CNTNAP2: variants seen among roughly 807,000 people sequenced by gnomAD.
The protein encoded by CNTNAP2 is contactin-associated protein-like 2.
A neutral mutation model predicts 155.2 loss-of-function variants in CNTNAP2; 98 were observed. The ratio of observed to expected loss-of-function variants is 0.63; its 90% CI spans 0.54 to 0.75. The LOEUF (loss-of-function observed/expected upper bound fraction) is 0.75, where lower values mean the gene tolerates loss of function less well. Among genes scored for constraint, CNTNAP2 ranks in the 30% least tolerant of loss-of-function variants. CNTNAP2 has a pLI of 0.00. For missense variants in CNTNAP2, 1,727 were observed against 1,688.1 expected (o/e 1.02, Z -0.40); for synonymous variants, 651 against 631.2 (o/e 1.03, Z -0.47).
chr7:146,728,044 C>A (rs1258764923), intron 1 of CNTNAP2, among the ~76,000 whole-genome samples: 3 of 152,084 alleles, frequency 2.0e-5, no homozygotes, highest in Non-Finnish European at 4.4e-5. Context: ...CTCACGGTGG[C>A]AAAGAGCATC....
intron 13 of CNTNAP2, among the ~76,000 whole-genome samples, chr7:147,666,955 A>G (rs566953876): frequency 9.5e-4 from 145 of 152,360 alleles, no homozygotes; most frequent in Non-Finnish European, 1.6e-3. Flanking sequence ...GGAAGAGCCT[A>G]TATCAGATAT....
At chr7:146,465,138 A>G (rs529517556) in intron 1 of CNTNAP2, among the ~76,000 whole-genome samples, 25 of 152,116 alleles carry the variant, frequency 1.6e-4, no homozygotes, top group African/African-American at 5.8e-4. Flanking sequence ...CACACACCAC[A>G]CACACACACA....
chr7:147,859,873 TCTTA>T (rs1268300891), intron 13 of CNTNAP2, among the ~76,000 whole-genome samples: 22 of 152,200 alleles, frequency 1.4e-4, no homozygotes, highest in Admixed American at 1.4e-3. Context: ...ATGATTTAGG[TCTTA>T]CTTATCTGTC....
At chr7:147,391,380 G>A (rs1230711327) in intron 9 of CNTNAP2, among the ~76,000 whole-genome samples, 1 of 152,014 alleles carries the variant, frequency 6.6e-6, no homozygotes, top group Non-Finnish European at 1.5e-5. Flanking sequence ...GTATATAGAG[G>A]TTGTCTATGT....
At chr7:148,036,337 A>C (rs1802573263) in intron 15 of CNTNAP2, among the ~76,000 whole-genome samples, 1 of 152,128 alleles carries the variant, frequency 6.6e-6, no homozygotes, top group African/African-American at 2.4e-5. Flanking sequence ...CTTGATCCCT[A>C]ATTCAGCAGT....
At chr7:148,085,419 G>A (rs767051692) in intron 15 of CNTNAP2, among the ~76,000 whole-genome samples, 5 of 152,048 alleles carry the variant, frequency 3.3e-5, no homozygotes, top group Non-Finnish European at 7.4e-5. Flanking sequence ...ATTCTCACAA[G>A]TTTAAAGGCC....
At chr7:147,977,517 C>T (rs1418812419) in intron 14 of CNTNAP2, among the ~76,000 whole-genome samples, 1 of 152,210 alleles carries the variant, frequency 6.6e-6, no homozygotes, top group Non-Finnish European at 1.5e-5. Flanking sequence ...CTTTGTTGAA[C>T]TTCTGATTCC....
intron 1 of CNTNAP2, among the ~76,000 whole-genome samples, chr7:146,331,303 C>CAA (rs771258929): frequency 0.016 from 952 of 58,822 alleles, 26 homozygotes; most frequent in African/African-American, 0.045. Context: ...GACTCCGTCT[C>CAA]AAAAAAAAAA....
chr7:146,201,908 T>C (rs539314379), intron 1 of CNTNAP2, among the ~76,000 whole-genome samples: 8 of 152,088 alleles, frequency 5.3e-5, no homozygotes, highest in African/African-American at 1.7e-4. Flanking sequence ...TTTAGAGCAA[T>C]TGTAGTAAGG....
intron 13 of CNTNAP2, among the ~76,000 whole-genome samples, chr7:147,884,953 G>A (rs1170567027): frequency 6.6e-6 from 1 of 152,230 alleles, no homozygotes; most frequent in Admixed American, 6.5e-5. Context: ...CTTGATATGA[G>A]ACCTCAGGTT....
chr7:147,779,631 A>G (rs932171156), intron 13 of CNTNAP2, among the ~76,000 whole-genome samples: 8 of 152,330 alleles, frequency 5.3e-5, no homozygotes, highest in African/African-American at 1.4e-4. Flanking sequence ...TGACTGAATC[A>G]GGACTCCAAG....
At chr7:148,391,901 G>A (rs1441903567) in intron 22 of CNTNAP2, among the ~76,000 whole-genome samples, 5 of 152,226 alleles carry the variant, frequency 3.3e-5, no homozygotes, top group African/African-American at 9.6e-5. Context: ...AAAGGCGTTT[G>A]TGTTAAGCCT....
At chr7:147,347,191 A>T (rs1363726338) in intron 9 of CNTNAP2, among the ~76,000 whole-genome samples, 1 of 151,996 alleles carries the variant, frequency 6.6e-6, no homozygotes, top group Non-Finnish European at 1.5e-5. Context: ...TAAAAAATAA[A>T]TATGAGCCAT....
chr7:148,341,731 C>T (rs1177926), intron 21 of CNTNAP2, among the ~76,000 whole-genome samples: 54,249 of 152,014 alleles, frequency 0.36, 10,215 homozygotes, highest in Non-Finnish European at 0.41. Flanking sequence ...AATAAATTAG[C>T]GTGGCTTTGA....
intron 1 of CNTNAP2, among the ~76,000 whole-genome samples, chr7:146,525,345 G>C (rs541792839): frequency 1.3e-5 from 2 of 152,072 alleles, no homozygotes; most frequent in East Asian, 3.9e-4. Flanking sequence ...TTACATCTGA[G>C]AATTATTGGT....
rs769337027 is a variant in CNTNAP2, at chr7:148,217,307, A to C, written c.3030A>C (p.Glu1010Asp). ...FCNKDVGAFF[E>D]EGMWLRYNFQ... ...TAACAGATGTTGGTGCATTTTTTGA[A>C]GAAGGGATGTGGCTACGATATAACT... is the stretch of plus-strand genomic sequence containing the variant. Residue 1010 changes from glutamate to aspartate, a missense_variant, in exon 19 of 24, where the codon GAA (glutamate) becomes GAC (aspartate). Physicochemically the swap from Glu to Asp is conservative, Grantham distance 45. Transcript: ENST00000361727. 1.2e-6 allele frequency: 2 copies of C among 1,613,818 alleles called. No homozygotes were observed. Among genetic ancestry groups the C allele is most frequent in the African/African-American group, 2.7e-5 (2 of 74,866 alleles).
chr7:147,592,875 T>C (rs1465381962), intron 12 of CNTNAP2, among the ~76,000 whole-genome samples: 1 of 152,158 alleles, frequency 6.6e-6, no homozygotes, highest in Non-Finnish European at 1.5e-5. Flanking sequence ...AAATTATCTA[T>C]TGCTCTAGAG....
At chr7:147,309,537 TTA>T (rs1006414610) in intron 9 of CNTNAP2, among the ~76,000 whole-genome samples, 4 of 152,176 alleles carry the variant, frequency 2.6e-5, no homozygotes, top group African/African-American at 7.2e-5. Flanking sequence ...TGGTCCATTA[TTA>T]TTATGTGATT....
chr7:146,227,355 G>C (rs1351297551), intron 1 of CNTNAP2, among the ~76,000 whole-genome samples: 1 of 150,284 alleles, frequency 6.7e-6, no homozygotes, highest in East Asian at 2.0e-4. Flanking sequence ...AACCCAGGAC[G>C]TGGAGGCTGC....
Sources: allele counts gnomAD v4.1 joint callset (sites outside exome capture counted in the v4.1 genomes callset), GRCh38; gene constraint gnomAD v4.1.1; transcripts MANE v1.5; gene names NCBI Gene and HGNC (gene_info 2026-07-23, HGNC 2026-07-21).